The following HMMR variants were observed in gnomAD, a reference collection of about 807,000 sequenced individuals.
HMMR encodes hyaluronan mediated motility receptor, also known as intracellular hyaluronic acid-binding protein.
In HMMR, 108 loss-of-function variants were observed where a neutral mutation model predicts 101.0. The observed-to-expected ratio is 1.07, with a 90% CI of 0.92 to 1.25. The LOEUF (loss-of-function observed/expected upper bound fraction) is 1.25. HMMR is among the 50% of genes most tolerant of loss of function. The pLI, the probability that HMMR is intolerant of heterozygous loss-of-function variation, is 0.00. For missense variants in HMMR, 813 were observed against 788.7 expected (o/e 1.03, Z -0.37); for synonymous variants, 296 against 276.4 (o/e 1.07, Z -0.70).
At position 163,463,354 on chromosome 5, in the gene HMMR, T is replaced by C. The variant is rs189362763; in HGVS notation, c.47-502T>C. On this transcript the variant is annotated intron_variant, in intron 1 of 17. Coordinates refer to ENST00000393915, the MANE Select transcript of HMMR (RefSeq NM_001142556.2). ...TCTAGTTGCTCTAGTGTGGTTGCTT[T>C]TCTTCCATGTGTTTGAATTGCAGTT... is the stretch of plus-strand genomic sequence containing the variant. 1.9e-3 allele frequency among the ~76,000 whole-genome samples: 285 copies of C among 152,360 alleles called. 1 individual carries two copies. The highest frequency in any genetic ancestry group is 0.017 in the Middle Eastern group (5 of 294).
At chr5:163,482,895 A>C in intron 13 of HMMR, 107 bp downstream of exon 13, 1 of 1,319,404 alleles carries the variant, frequency 7.6e-7, no homozygotes, top group Non-Finnish European at 1.1e-6. Context: ...ACTGCAAATT[A>C]AGAATTTACT....
intron 2 of HMMR, among the ~76,000 whole-genome samples, chr5:163,464,301 T>C (rs540915830): frequency 9.2e-5 from 14 of 152,266 alleles, no homozygotes; most frequent in African/African-American, 3.4e-4. Flanking sequence ...AAAGAATATA[T>C]TGTTTCATCA....
In HMMR at chr5:163,471,463, TGTAA is replaced by T. The variant is rs775729353; in HGVS notation, c.650+3_650+6del. 9.5e-6 allele frequency: 15 copies of T among 1,581,690 alleles called. No homozygotes were observed. Among genetic ancestry groups the T allele is most frequent in the African/African-American group, 1.3e-5 (1 of 74,370 alleles). On this transcript the variant is annotated splice_donor_variant and splice_donor_region_variant and intron_variant, in intron 7 of 17. Transcript: ENST00000393915. LOFTEE classifies it high-confidence loss of function. ...AAAATAGCCCAACTGGAGGGAAAAC[TGTAA>T]GTGAGTGAATGTGAAGAGAAATTGT...
intron 2 of HMMR, among the ~76,000 whole-genome samples, chr5:163,464,229 AGAAAGGTGTTAGATGT>A (rs1192606566): frequency 6.6e-6 from 1 of 152,236 alleles, no homozygotes; most frequent in Non-Finnish European, 1.5e-5. Flanking sequence ...TAGGAAAATC[AGAAAGGTGTTAGATGT>A]GTAAAAAAAT....
Position 163,482,998 on chromosome 5 carries a change from CCTCTT to C in HMMR, c.1533-17_1533-13del, listed in dbSNP as rs1441374569. ...AAAGTGGCTATAAAATGTTTAGTGACCTCTTCTCTCTCAAACCAAAGGATGCTTCT... is the reference window on the plus strand; with the variant it reads ...AAAGTGGCTATAAAATGTTTAGTGACCTCTCTCAAACCAAAGGATGCTTCT... On this transcript the variant is annotated splice_polypyrimidine_tract_variant and intron_variant, in intron 13 of 17. Transcript: ENST00000393915. The C allele has an allele frequency of 6.4e-7, 1 of 1,558,040 alleles. No individual in the cohort carries two copies. Among genetic ancestry groups the C allele is most frequent in the African/African-American group, 1.4e-5 (1 of 71,932 alleles).
Position 163,483,338 on chromosome 5 carries a change from G to A in HMMR, c.1756G>A (p.Glu586Lys). 1.2e-6 allele frequency: 2 copies of A among 1,601,120 alleles called. No individual in the cohort carries two copies. The highest frequency in any genetic ancestry group is 2.2e-5 in the East Asian group (1 of 44,752). The change falls in exon 15 of 18, where the codon GAA becomes AAA. Residue 586 changes from glutamate (E) to lysine (K), a missense_variant. Glu to Lys is a moderately conservative substitution (Grantham distance 56). Coordinates refer to ENST00000393915, the MANE Select transcript of HMMR (RefSeq NM_001142556.2). ...EINKWRLLYE[E>K]LYNKTKPFQL... ...TAACAAGTGGCGTCTCCTCTATGAA[G>A]AACTATATAATAAAACAAAACCTTT... is the stretch of plus-strand genomic sequence containing the variant.
chr5:163,483,080 A>T lies in HMMR; in HGVS notation c.1593A>T (p.Thr531=). The T allele has an allele frequency of 6.2e-7, 1 of 1,611,242 alleles. No individual in the cohort carries two copies. ...ALKETEIKEI[T]VSFLQKITDL... ...AGGAAACAGAAATTAAAGAAATCAC[A>T]GTTTCTTTTCTTCAAAAAATAACTG... The change falls in exon 14 of 18, where the codon ACA becomes ACT. Residue 531 remains threonine, a synonymous_variant. Coordinates refer to ENST00000393915, the MANE Select transcript of HMMR (RefSeq NM_001142556.2).
chr5:163,481,753 A>T (rs538470244), intron 12 of HMMR, among the ~76,000 whole-genome samples: 1 of 152,174 alleles, frequency 6.6e-6, no homozygotes, highest in South Asian at 2.1e-4. Flanking sequence ...GTGTCTTTCC[A>T]TTGCCAGCTC....
chr5:163,490,412 A>G lies in HMMR; in HGVS notation c.1985A>G (p.Gln662Arg). Reference sequence around the variant, plus strand: ...TAGGAAGTATCAAAACTCCGCTGTCAGCTTGCTAAAAAAAAACAAAGTGAG... The same window carrying G: ...TAGGAAGTATCAAAACTCCGCTGTCGGCTTGCTAAAAAAAAACAAAGTGAG... ...LKSEVSKLRC[Q>R]LAKKKQSETK... The change falls in exon 17 of 18, where the codon CAG becomes CGG. Residue 662 changes from glutamine (Q) to arginine (R), a missense_variant. By Grantham distance (43) the Gln-to-Arg change is conservative. Transcript: ENST00000393915. 1.9e-6 allele frequency: 3 copies of G among 1,584,946 alleles called. No homozygotes were observed. The highest frequency in any genetic ancestry group is 1.7e-6 in the Non-Finnish European group (2 of 1,167,262).
In HMMR at chr5:163,467,744, A is replaced by C. The variant is rs1467986838; in HGVS notation, c.269A>C (p.Lys90Thr). 2.0e-6 allele frequency: 3 copies of C among 1,508,964 alleles called. No individual in the cohort carries two copies. Among genetic ancestry groups the C allele is most frequent in the Non-Finnish European group, 1.8e-6 (2 of 1,088,292 alleles). 93.5% of individuals were successfully genotyped at this position (1,508,964 alleles called of 1,614,324 possible). Reference sequence around the variant, plus strand: ...GATAAAGATTTGAAGATATTAGAGAAAGAGGTAAGCAGTGCTTTAAACTTA... The same window carrying C: ...GATAAAGATTTGAAGATATTAGAGACAGAGGTAAGCAGTGCTTTAAACTTA... The part of the protein sequence containing the change: ...KNDKDLKILE[K>T]EIRVLLQERG... Residue 90 changes from lysine to threonine, a missense_variant, in exon 4 of 18, where the codon AAA becomes ACA. By Grantham distance (78) the Lys-to-Thr change is moderately conservative (BLOSUM62 -1). Coordinates refer to ENST00000393915, the MANE Select transcript of HMMR (RefSeq NM_001142556.2).
At chr5:163,477,526 G>T (rs1023735058) in intron 11 of HMMR, among the ~76,000 whole-genome samples, 2 of 152,110 alleles carry the variant, frequency 1.3e-5, no homozygotes, top group African/African-American at 2.4e-5. Flanking sequence ...GTAATTAGGG[G>T]TGTTGTTCTA....
chr5:163,481,524 TCA>T (rs1759263937), intron 12 of HMMR, among the ~76,000 whole-genome samples: 1 of 152,172 alleles, frequency 6.6e-6, no homozygotes, highest in Admixed American at 6.5e-5. Flanking sequence ...CAAGTAGATA[TCA>T]CACTGTCTTT....
chr5:163,473,125 A>G, intron 7 of HMMR, 54 bp from the exon 8 acceptor site: 2 of 923,846 alleles, frequency 2.2e-6, no homozygotes, highest in Non-Finnish European at 3.5e-6. Context: ...GCATTATGTA[A>G]GATTATTAAA....
intron 12 of HMMR, among the ~76,000 whole-genome samples, chr5:163,479,559 G>A (rs1170611273): frequency 6.6e-6 from 1 of 152,118 alleles, no homozygotes; most frequent in Non-Finnish European, 1.5e-5. Context: ...CTACTTGGGA[G>A]GCTGAGGGCA....
At chr5:163,481,878 G>C (rs921629810) in intron 12 of HMMR, among the ~76,000 whole-genome samples, 3 of 152,034 alleles carry the variant, frequency 2.0e-5, no homozygotes, top group African/African-American at 4.8e-5. Context: ...CATAGCTCTA[G>C]AGTGAGCTAC....
rs1182335933 is a variant in HMMR, at chr5:163,464,836, A to G, written c.225+34A>G. 2.3e-6 allele frequency: 3 copies of G among 1,312,416 alleles called. No homozygotes were observed. In the South Asian group the frequency reaches 3.5e-5, roughly 15 times the overall value. The allele number at this position is 1,312,416 out of a possible 1,614,324, so 81.3% of individuals were successfully genotyped here. A position where few individuals can be genotyped will look rare whatever the true frequency, so the allele number is the denominator to read the frequency against. On this transcript the variant is annotated intron_variant, in intron 3 of 17. Transcript: ENST00000393915. The stretch of plus-strand genomic sequence containing the variant: ...CTTTTATATGCCAGCTGGTTTATCA[A>G]GTGTATCATCAAAAACATCTGAAAG...
intron 16 of HMMR, among the ~76,000 whole-genome samples, chr5:163,489,745 T>G (rs1027760574): frequency 9.2e-5 from 14 of 152,156 alleles, no homozygotes; most frequent in African/African-American, 3.4e-4. Flanking sequence ...CAATTGCATT[T>G]GTCCAGGATA....
Position 163,475,635 on chromosome 5 carries a change from G to C in HMMR, c.1231G>C (p.Ala411Pro). 2 of 1,611,074 alleles carry C rather than the reference G, an allele frequency of 1.2e-6. No individual in the cohort carries two copies. Among genetic ancestry groups the C allele is most frequent in the South Asian group, 1.1e-5 (1 of 90,836 alleles). Residue 411 changes from alanine (A) to proline (P), a missense_variant, in exon 11 of 18, where the codon GCT becomes CCT. Transcript: ENST00000393915. ...ATTGGAAGAGGAAGCAAAATCTAGA[G>C]CTGAAGAATTAAAACTCCTAGAAGA... ...KQLEEEAKSR[A>P]EELKLLEEKL...
chr5:163,485,219 G>A (rs1180487722), intron 16 of HMMR, among the ~76,000 whole-genome samples: 3 of 152,094 alleles, frequency 2.0e-5, no homozygotes, highest in Non-Finnish European at 2.9e-5. Flanking sequence ...AGATGAGATC[G>A]GGTGCGTTCA....
Sources: allele counts gnomAD v4.1 joint callset (sites outside exome capture counted in the v4.1 genomes callset), GRCh38; gene constraint gnomAD v4.1.1; transcripts MANE v1.5; gene names NCBI Gene and HGNC (gene_info 2026-07-23, HGNC 2026-07-21).